Variants in BACH2 observed in about 807,000 individuals in gnomAD.
The protein encoded by BACH2 is transcription regulator protein BACH2.
In BACH2, 5 loss-of-function variants were observed where a neutral mutation model predicts 61.8. That is an observed-to-expected ratio of 0.08 (90% CI 0.04 to 0.17). BACH2 has a LOEUF of 0.17. BACH2 is among the 10% of genes least tolerant of loss of function. The probability of loss-of-function intolerance (pLI) is 1.00; values close to 1 mark genes in which losing one functional copy is unlikely to be tolerated. For missense variants in BACH2, 824 were observed against 1,091.1 expected (o/e 0.76, Z 3.45); for synonymous variants, 446 against 440.1 (o/e 1.01, Z -0.17).
intron 4 of BACH2, among the ~76,000 whole-genome samples, chr6:90,152,595 A>G (rs1051905766): frequency 1.3e-5 from 2 of 152,222 alleles, no homozygotes; most frequent in Non-Finnish European, 2.9e-5. Flanking sequence ...TTACTTTTTA[A>G]AAATCATTTT....
At chr6:90,064,854 C>T (rs1393634620) in intron 5 of BACH2, among the ~76,000 whole-genome samples, 1 of 152,196 alleles carries the variant, frequency 6.6e-6, no homozygotes, top group Non-Finnish European at 1.5e-5. Flanking sequence ...GTACATGGTA[C>T]TTACACAATA....
intron 5 of BACH2, among the ~76,000 whole-genome samples, chr6:90,009,878 T>C (rs1004333126): frequency 2.0e-5 from 3 of 152,200 alleles, no homozygotes; most frequent in African/African-American, 4.8e-5. Flanking sequence ...TTGGCCAGGC[T>C]GGTTTTGAAC....
At chr6:89,986,648 T>C (rs1776256607) in intron 6 of BACH2, among the ~76,000 whole-genome samples, 2 of 152,230 alleles carry the variant, frequency 1.3e-5, no homozygotes, top group African/African-American at 4.8e-5. Flanking sequence ...AATGTTCTGA[T>C]GCTCTTGGTG....
intron 2 of BACH2, among the ~76,000 whole-genome samples, chr6:90,266,740 AG>A (rs1174636394): frequency 6.6e-6 from 1 of 152,160 alleles, no homozygotes; most frequent in Non-Finnish European, 1.5e-5. Flanking sequence ...AGTGGTTTCC[AG>A]GGGTTGAGGG....
At position 89,966,031 on chromosome 6, in the gene BACH2, T is replaced by C. The variant is rs1276610188; in HGVS notation, c.244-14169A>G. 3.9e-5 allele frequency among the ~76,000 whole-genome samples: 6 copies of C among 152,172 alleles called. No individual in the cohort carries two copies. The East Asian group carries it at 5.8e-4, about 15-fold the overall frequency. On this transcript the variant is annotated intron_variant, in intron 6 of 8. Transcript: ENST00000257749. ...AGAAAAGTACTAAAAATTCTGAAGATGTATGTATCAGCTTCTCAAGCAGAG... is the reference window on the plus strand; with the variant it reads ...AGAAAAGTACTAAAAATTCTGAAGACGTATGTATCAGCTTCTCAAGCAGAG...
In BACH2 at chr6:90,041,580, A is replaced by T. The variant is rs80100995; in HGVS notation, c.-12-32724T>A. On this transcript the variant is annotated intron_variant, in intron 5 of 8. Coordinates refer to ENST00000257749, the MANE Select transcript of BACH2 (RefSeq NM_021813.4). ...CTAATATTTTATTTAGAATTTTACA[A>T]TTGTGTTCTTCTATGGTGGTTGGTC... Among the ~76,000 whole-genome samples the T allele has an allele frequency of 8.9e-3, 1,350 of 152,206 alleles. 54 individuals are homozygous for T. In the East Asian group the frequency reaches 0.14, roughly 16 times the overall value.
At chr6:90,260,350 T>C (rs542263441) in intron 2 of BACH2, among the ~76,000 whole-genome samples, 2 of 152,332 alleles carry the variant, frequency 1.3e-5, no homozygotes, top group African/African-American at 4.8e-5. Context: ...CAGATATTTG[T>C]GAATTTTTCA....
intron 6 of BACH2, among the ~76,000 whole-genome samples, chr6:90,007,524 T>C (rs983080351): frequency 6.6e-6 from 1 of 152,130 alleles, no homozygotes; most frequent in African/African-American, 2.4e-5. Context: ...GCCCCATCAC[T>C]TCCTACTGTC....
chr6:90,095,854 A>G (rs1173370089), intron 4 of BACH2, among the ~76,000 whole-genome samples: 1 of 152,120 alleles, frequency 6.6e-6, no homozygotes, highest in Non-Finnish European at 1.5e-5. Flanking sequence ...CTGTGCTAGA[A>G]ATTTTACAGG....
At chr6:90,207,482 C>T (rs1446945851) in intron 3 of BACH2, among the ~76,000 whole-genome samples, 1 of 152,082 alleles carries the variant, frequency 6.6e-6, no homozygotes, top group Non-Finnish European at 1.5e-5. Context: ...CTTAAATGGA[C>T]TTGTAGCCTT....
At chr6:90,212,265 G>A (rs1168034315) in intron 3 of BACH2, among the ~76,000 whole-genome samples, 2 of 152,146 alleles carry the variant, frequency 1.3e-5, no homozygotes, top group Non-Finnish European at 2.9e-5. Flanking sequence ...ATGGTGCTGG[G>A]ATTGAAGGAT....
intron 4 of BACH2, among the ~76,000 whole-genome samples, chr6:90,120,435 A>G (rs1783575726): frequency 6.6e-6 from 1 of 152,244 alleles, no homozygotes; most frequent in Non-Finnish European, 1.5e-5. Flanking sequence ...AAATAAGTAC[A>G]AGGTTATCAG....
chr6:90,132,535 G>T (rs1455085533), intron 4 of BACH2, among the ~76,000 whole-genome samples: 1 of 152,084 alleles, frequency 6.6e-6, no homozygotes, highest in East Asian at 1.9e-4. Context: ...ACATCTCACA[G>T]ATTACTCCTT....
At position 90,116,794 on chromosome 6, in the gene BACH2, C is replaced by T. The variant is rs901611222; in HGVS notation, c.-161-27685G>A. The T allele has an allele frequency of 8.2e-6, 4 of 485,426 alleles. No homozygotes were observed. In the Admixed American group the frequency reaches 9.0e-5, roughly 11 times the overall value. 30.1% of individuals were successfully genotyped at this position (485,426 alleles called of 1,614,324 possible). ...TTGCGCCTACAGTGACAGAATAGGTCCCTGGATACACTTCTATGTAGAGGT... is the reference window on the plus strand; with the variant it reads ...TTGCGCCTACAGTGACAGAATAGGTTCCTGGATACACTTCTATGTAGAGGT... On this transcript the variant is annotated intron_variant, in intron 4 of 8. Coordinates refer to ENST00000257749, the MANE Select transcript of BACH2 (RefSeq NM_021813.4).
intron 6 of BACH2, among the ~76,000 whole-genome samples, chr6:89,954,661 GC>G (rs1187177378): frequency 6.6e-6 from 1 of 151,846 alleles, no homozygotes; most frequent in Non-Finnish European, 1.5e-5. Context: ...GTCACCCTCT[GC>G]CACATGGCTG....
chr6:90,214,136 C>A (rs1284345514), intron 3 of BACH2, among the ~76,000 whole-genome samples: 1 of 152,188 alleles, frequency 6.6e-6, no homozygotes, highest in Non-Finnish European at 1.5e-5. Context: ...ATTCTCAACT[C>A]ATGTTTGCCA....
chr6:90,011,303 A>G (rs745911360), intron 5 of BACH2, among the ~76,000 whole-genome samples: 39 of 152,248 alleles, frequency 2.6e-4, no homozygotes, highest in Non-Finnish European at 5.3e-4. Flanking sequence ...ATTGTTAAAA[A>G]TACTCTTTTC....
intron 6 of BACH2, among the ~76,000 whole-genome samples, chr6:89,997,036 T>C (rs1287001871): frequency 1.3e-5 from 2 of 149,674 alleles, no homozygotes; most frequent in African/African-American, 2.5e-5. Flanking sequence ...CACACATGCA[T>C]GCTCCTCTGA....
chr6:90,127,281 C>G (rs997921255), intron 4 of BACH2, among the ~76,000 whole-genome samples: 2 of 151,518 alleles, frequency 1.3e-5, no homozygotes, highest in Non-Finnish European at 2.9e-5. Context: ...CGCTCCGCTC[C>G]GGGGTTGATG....
Sources: gnomAD v4.1 joint callset for allele counts (sites outside exome capture counted in the v4.1 genomes callset) on GRCh38, gnomAD v4.1.1 for gene constraint, MANE v1.5 for transcripts, NCBI Gene and HGNC (gene_info 2026-07-23, HGNC 2026-07-21) for gene names.